ZC3H12B: variants seen among roughly 807,000 people sequenced by gnomAD.
The protein encoded by ZC3H12B is probable ribonuclease ZC3H12B.
Under a neutral mutation model 43.9 loss-of-function variants are expected in ZC3H12B, and 7 were observed. That is an observed-to-expected ratio of 0.16 (90% CI 0.09 to 0.30). The LOEUF (loss-of-function observed/expected upper bound fraction) is 0.30, where lower values mean the gene tolerates loss of function less well. ZC3H12B is among the 10% of genes least tolerant of loss of function. The pLI is 1.00. For missense variants in ZC3H12B, 475 were observed against 670.2 expected (o/e 0.71, Z 3.22); for synonymous variants, 222 against 241.7 (o/e 0.92, Z 0.76).
chrX:65,115,228 A>G, the ZC3H12B span, among the ~76,000 whole-genome samples: 1 of 107,292 alleles, frequency 9.3e-6, no homozygotes, highest in Admixed American at 1.0e-4. Flanking sequence ...CCGAGTCCCC[A>G]AAGTCCAATG....
At chrX:65,434,882 G>A (rs1433702898) in intron 3 of ZC3H12B, among the ~76,000 whole-genome samples, 2 of 111,192 alleles carry the variant, frequency 1.8e-5, no homozygotes, top group South Asian at 7.7e-4. Flanking sequence ...ATATCACTAG[G>A]AATGTGGAGG....
chrX:65,279,997 G>A, the ZC3H12B span, among the ~76,000 whole-genome samples: 2 of 112,259 alleles, frequency 1.8e-5, no homozygotes, highest in African/African-American at 6.5e-5. Context: ...AATGCCAGTT[G>A]TTCTGAAAAT....
the ZC3H12B span, among the ~76,000 whole-genome samples, chrX:65,206,406 T>A: frequency 9.0e-6 from 1 of 111,591 alleles, no homozygotes. Flanking sequence ...AAACATAAAG[T>A]AGGGAAAGGA....
At chrX:65,452,570 G>A (rs2067530820) in intron 3 of ZC3H12B, among the ~76,000 whole-genome samples, 2 of 111,854 alleles carry the variant, frequency 1.8e-5, no homozygotes, top group Admixed American at 9.5e-5. Context: ...GCTGGGCGTG[G>A]TGGCTCACGC....
chrX:65,314,441 T>A, the ZC3H12B span, among the ~76,000 whole-genome samples: 1 of 110,816 alleles, frequency 9.0e-6, no homozygotes, highest in Non-Finnish European at 1.9e-5. Flanking sequence ...CGGACAGTGA[T>A]TTAAATTACT....
the ZC3H12B span, among the ~76,000 whole-genome samples, chrX:65,132,379 G>A: frequency 9.0e-6 from 1 of 111,071 alleles, no homozygotes; most frequent in East Asian, 2.9e-4. Context: ...CTTAAAGCCT[G>A]TTGTGGGATG....
chrX:65,331,631 G>T, the ZC3H12B span, among the ~76,000 whole-genome samples: 41 of 109,618 alleles, frequency 3.7e-4, no homozygotes, highest in South Asian at 7.7e-4. Context: ...GAAAGTAAAG[G>T]AATAAAAGAA....
At chrX:65,352,739 T>A in the ZC3H12B span, among the ~76,000 whole-genome samples, 1 of 112,210 alleles carries the variant, frequency 8.9e-6, no homozygotes. Flanking sequence ...TTTCCAACAA[T>A]GTATGCTCAC....
At chrX:65,080,951 T>C in the ZC3H12B span, among the ~76,000 whole-genome samples, 45 of 109,407 alleles carry the variant, frequency 4.1e-4, no homozygotes, top group African/African-American at 1.5e-3. Context: ...TAATAAGATA[T>C]CAATAAAACA....
intron 2 of ZC3H12B, among the ~76,000 whole-genome samples, chrX:65,374,011 C>CTATATATACTA (rs2066302679): frequency 4.2e-5 from 1 of 23,920 alleles, no homozygotes; most frequent in African/African-American, 1.5e-4. Flanking sequence ...ATATATATAA[C>CTATATATACTA]TATATATACA....
At chrX:65,161,818 G>T in the ZC3H12B span, among the ~76,000 whole-genome samples, 1 of 111,713 alleles carries the variant, frequency 9.0e-6, no homozygotes, top group Admixed American at 9.6e-5. Flanking sequence ...GTGTTAGTTA[G>T]CTGGTTATTT....
the ZC3H12B span, among the ~76,000 whole-genome samples, chrX:65,267,073 A>ACC: frequency 9.0e-6 from 1 of 110,696 alleles, no homozygotes; most frequent in Non-Finnish European, 1.9e-5. Flanking sequence ...TCTGGCTGAC[A>ACC]TTTGGGCTCC....
intron 2 of ZC3H12B, among the ~76,000 whole-genome samples, chrX:65,370,552 C>G (rs1408845488): frequency 8.9e-6 from 1 of 111,956 alleles, no homozygotes; most frequent in Non-Finnish European, 1.9e-5. Context: ...TAGTCACTAA[C>G]TTATTTTCTA....
chrX:65,395,870 T>A (rs2066690039), intron 2 of ZC3H12B, among the ~76,000 whole-genome samples: 1 of 111,875 alleles, frequency 8.9e-6, no homozygotes, highest in South Asian at 3.7e-4. Flanking sequence ...TTAGAACTTG[T>A]TATTGGTCTA....
intron 3 of ZC3H12B, among the ~76,000 whole-genome samples, chrX:65,420,158 C>G (rs1233784448): frequency 1.8e-5 from 2 of 111,937 alleles, no homozygotes; most frequent in African/African-American, 6.5e-5. Flanking sequence ...AAAGCCTGCC[C>G]TGGCACCACA....
the ZC3H12B span, among the ~76,000 whole-genome samples, chrX:65,308,340 G>C: frequency 9.0e-6 from 1 of 110,623 alleles, no homozygotes; most frequent in African/African-American, 3.3e-5. Context: ...GGGGTTGCAA[G>C]CCTGGGCTCT....
At chrX:65,337,079 T>G in the ZC3H12B span, among the ~76,000 whole-genome samples, 1 of 111,802 alleles carries the variant, frequency 8.9e-6, no homozygotes, top group Admixed American at 9.5e-5. Context: ...TGCCTTTTAT[T>G]AAGAGGGGTC....
At chrX:65,302,897 T>C in the ZC3H12B span, among the ~76,000 whole-genome samples, 35 of 111,870 alleles carry the variant, frequency 3.1e-4, no homozygotes, top group Non-Finnish European at 4.9e-4. Context: ...CAAAAGGTAA[T>C]ACAATGATTC....
the ZC3H12B span, among the ~76,000 whole-genome samples, chrX:65,039,366 G>T: frequency 9.0e-6 from 1 of 111,564 alleles, no homozygotes; most frequent in Non-Finnish European, 1.9e-5. Flanking sequence ...TTTTTAAAAT[G>T]CAATAAATAT....
Sources: allele counts gnomAD v4.1 joint callset (sites outside exome capture counted in the v4.1 genomes callset), GRCh38; gene constraint gnomAD v4.1.1; transcripts MANE v1.5; gene names NCBI Gene and HGNC (gene_info 2026-07-23, HGNC 2026-07-21).